The following DAW1 variants were observed in gnomAD, a reference collection of about 807,000 sequenced individuals.
The protein encoded by DAW1 is dynein assembly factor with WD repeat domains 1.
Under a neutral mutation model 56.5 loss-of-function variants are expected in DAW1, and 47 were observed. That is an observed-to-expected ratio of 0.83 (90% confidence interval 0.66 to 1.06). DAW1 has a LOEUF of 1.06. Ranked by LOEUF, DAW1 falls within the 50% of genes least tolerant of loss-of-function variation. The pLI is 0.00. For synonymous variants in DAW1, 190 were observed against 179.0 expected (o/e 1.06, Z -0.49); for missense variants, 505 against 499.3 (o/e 1.01, Z -0.11).
chr2:227,902,147 T>G (rs530365150), intron 6 of DAW1, among the ~76,000 whole-genome samples: 1 of 152,160 alleles, frequency 6.6e-6, no homozygotes, highest in South Asian at 2.1e-4. Flanking sequence ...TGCTGAGGAC[T>G]CTACTGAGGA....
At chr2:227,921,952 G>T (rs1049974121) in intron 12 of DAW1, among the ~76,000 whole-genome samples, 1 of 152,134 alleles carries the variant, frequency 6.6e-6, no homozygotes, top group Non-Finnish European at 1.5e-5. Context: ...AAATGCTTGA[G>T]GCCAGCCTGG....
intron 5 of DAW1, among the ~76,000 whole-genome samples, chr2:227,896,803 A>G (rs1691420701): frequency 6.6e-6 from 1 of 152,116 alleles, no homozygotes; most frequent in Non-Finnish European, 1.5e-5. Context: ...TTGTGATAGA[A>G]TAGATATCAG....
At chr2:227,902,858 G>C in intron 6 of DAW1, 144 bp from the exon 7 acceptor site, 2 of 760,918 alleles carry the variant, frequency 2.6e-6, no homozygotes, top group Non-Finnish European at 4.3e-6. Flanking sequence ...TCAACCTGGG[G>C]GTAGCAGGTC....
chr2:227,889,980 C>G lies in DAW1; in HGVS notation c.238C>G (p.His80Asp), dbSNP rs774951773. 1.9e-6 allele frequency: 3 copies of G among 1,593,012 alleles called. No homozygotes were observed. Among genetic ancestry groups the G allele is most frequent in the East Asian group, 4.6e-5 (2 of 43,590 alleles). ...LQEKLGQNSN[H>D]TFYLFKVLKA... ...AGAGAAACTCGGCCAGAACAGCAATCACACGTTCTATCTTTTTAAGGTAAT... is the reference window on the plus strand; with the variant it reads ...AGAGAAACTCGGCCAGAACAGCAATGACACGTTCTATCTTTTTAAGGTAAT... Residue 80 changes from histidine (H) to aspartate (D), a missense_variant, in exon 3 of 13, where the codon CAC (histidine) becomes GAC (aspartate). By Grantham distance (81) the His-to-Asp change is moderately conservative. Transcript: ENST00000309931.
At chr2:227,920,851 T>G (rs1692089345) in intron 11 of DAW1, among the ~76,000 whole-genome samples, 1 of 152,094 alleles carries the variant, frequency 6.6e-6, no homozygotes. Context: ...AAGCTAAATT[T>G]GTATTTTTAG....
At chr2:227,875,314 T>C (rs1011731970) in intron 1 of DAW1, among the ~76,000 whole-genome samples, 1 of 152,212 alleles carries the variant, frequency 6.6e-6, no homozygotes, top group East Asian at 1.9e-4. Context: ...TCAGTCTATA[T>C]GGCAATGGGA....
intron 9 of DAW1, 30 bp from the exon 10 acceptor site, chr2:227,907,108 T>G (rs894831890): frequency 8.5e-6 from 13 of 1,522,498 alleles, no homozygotes; most frequent in Non-Finnish European, 1.2e-5. Context: ...ATAGTCTTTT[T>G]TTTTTTGTTT....
intron 1 of DAW1, chr2:227,876,367 G>A (rs1690883757): frequency 8.6e-7 from 1 of 1,162,670 alleles, no homozygotes; most frequent in Non-Finnish European, 1.1e-6. Context: ...TCATGTTTGC[G>A]ACTATTGCCT....
At chr2:227,918,140 C>G (rs1233844599) in intron 10 of DAW1, among the ~76,000 whole-genome samples, 1 of 134,746 alleles carries the variant, frequency 7.4e-6, no homozygotes, top group South Asian at 2.4e-4. Context: ...ATCCATCCAT[C>G]CGTCCATCCA....
chr2:227,897,854 G>T (rs1691447658), intron 5 of DAW1, among the ~76,000 whole-genome samples: 1 of 151,814 alleles, frequency 6.6e-6, no homozygotes, highest in African/African-American at 2.4e-5. Context: ...TGTTTACACA[G>T]TTCATACTAT....
intron 10 of DAW1, among the ~76,000 whole-genome samples, chr2:227,916,928 G>T (rs1409925328): frequency 7.2e-5 from 11 of 152,188 alleles, no homozygotes; most frequent in Non-Finnish European, 1.5e-5. Flanking sequence ...CTGTGTATGT[G>T]TCAGCTCCAT....
intron 10 of DAW1, among the ~76,000 whole-genome samples, chr2:227,917,487 C>T (rs2396514): frequency 0.48 from 73,455 of 151,750 alleles, 18,252 homozygotes; most frequent in Middle Eastern, 0.63. Flanking sequence ...GTCTCGATCT[C>T]CTGACCTCGT....
At chr2:227,877,091 A>C (rs1446524482) in intron 1 of DAW1, among the ~76,000 whole-genome samples, 3 of 152,232 alleles carry the variant, frequency 2.0e-5, no homozygotes, top group African/African-American at 4.8e-5. Flanking sequence ...TTATTGAATA[A>C]TGCACAATCA....
chr2:227,889,859 T>G lies in DAW1; in HGVS notation c.117T>G (p.Thr39=), dbSNP rs747564684. 6.3e-7 allele frequency: 1 copy of G among 1,591,080 alleles called. No individual in the cohort carries two copies. The highest frequency in any genetic ancestry group is 1.9e-5 in the Admixed American group (1 of 53,696). The part of the protein sequence containing the change: ...SIDLLDLGPS[T]DVSALVEEIQ... Reference sequence around the variant, plus strand: ...CTCTTTTTTGGGTGTATTTCAGCACTGATGTCAGTGCGTTAGTAGAAGAAA... The same window carrying G: ...CTCTTTTTTGGGTGTATTTCAGCACGGATGTCAGTGCGTTAGTAGAAGAAA... The change falls in exon 3 of 13, where the codon ACT becomes ACG. Residue 39 remains threonine (T), a synonymous_variant. Transcript: ENST00000309931.
intron 8 of DAW1, 104 bp downstream of exon 8, chr2:227,905,139 T>G: frequency 2.4e-6 from 2 of 821,540 alleles, no homozygotes; most frequent in Non-Finnish European, 3.7e-6. Flanking sequence ...CTGCTTTGGA[T>G]TCCATAAAAA....
chr2:227,893,747 A>G, intron 4 of DAW1, 48 bp from the exon 5 acceptor site: 1 of 1,578,334 alleles, frequency 6.3e-7, no homozygotes, highest in South Asian at 1.2e-5. Flanking sequence ...AGTCTTTATT[A>G]ACACACTGCC....
At chr2:227,879,273 T>C (rs925395005) in intron 1 of DAW1, among the ~76,000 whole-genome samples, 1 of 152,246 alleles carries the variant, frequency 6.6e-6, no homozygotes, top group Non-Finnish European at 1.5e-5. Context: ...CTTTGCTAAT[T>C]TGATGGGTAA....
In DAW1 at chr2:227,892,137, AT is replaced by A. The variant is rs202082179; in HGVS notation, c.317+836del. ...GGCATGATCTCATCCTAACTTAATAATTTTTTTTTTTTGAGATGGAGTTTCA... is the reference window on the plus strand; with the variant it reads ...GGCATGATCTCATCCTAACTTAATAATTTTTTTTTTTGAGATGGAGTTTCA... On this transcript the variant is annotated intron_variant, in intron 4 of 12. Transcript: ENST00000309931. Among the ~76,000 whole-genome samples the A allele has an allele frequency of 7.5e-3, 1,109 of 147,166 alleles. 13 individuals carry two copies. The highest frequency in any genetic ancestry group is 0.021 in the Middle Eastern group (6 of 290).
At chr2:227,916,235 C>T (rs1199355154) in intron 10 of DAW1, among the ~76,000 whole-genome samples, 1 of 152,094 alleles carries the variant, frequency 6.6e-6, no homozygotes, top group Non-Finnish European at 1.5e-5. Flanking sequence ...AACAGCAGTA[C>T]ATTAATTTAT....
Sources: allele counts gnomAD v4.1 joint callset (sites outside exome capture counted in the v4.1 genomes callset), GRCh38; gene constraint gnomAD v4.1.1; transcripts MANE v1.5; gene names NCBI Gene and HGNC (gene_info 2026-07-23, HGNC 2026-07-21).